Variants in MACO1 observed in about 807,000 individuals in gnomAD.
MACO1 encodes macoilin 1.
In MACO1, 14 loss-of-function variants were observed where a neutral mutation model predicts 78.7. The observed-to-expected ratio is 0.18, with a 90% confidence interval of 0.12 to 0.28. MACO1 has a LOEUF of 0.28. Among genes scored for constraint, MACO1 ranks in the 10% least tolerant of loss-of-function variants. The pLI is 1.00. For missense variants in MACO1, 501 were observed against 799.0 expected (o/e 0.63, Z 4.50); for synonymous variants, 288 against 291.6 (o/e 0.99, Z 0.12).
At chr1:25,491,953 G>C (rs536090539) in intron 10 of MACO1, among the ~76,000 whole-genome samples, 68 of 152,294 alleles carry the variant, frequency 4.5e-4, no homozygotes, top group African/African-American at 1.4e-3. Flanking sequence ...GAATTGGAGA[G>C]GGCCTCTCCC....
At chr1:25,452,703 T>G (rs1010295135) in intron 3 of MACO1, among the ~76,000 whole-genome samples, 16 of 151,836 alleles carry the variant, frequency 1.1e-4, no homozygotes, top group East Asian at 1.9e-4. Context: ...GAATTGTTTT[T>G]TTTTTTTTTT....
intron 6 of MACO1, among the ~76,000 whole-genome samples, chr1:25,469,830 A>G (rs2043252049): frequency 6.6e-6 from 1 of 151,644 alleles, no homozygotes; most frequent in African/African-American, 2.4e-5. Context: ...GTTTCACCGT[A>G]TTGGCCAGGC....
At chr1:25,431,297 T>C in intron 1 of MACO1, 119 bp downstream of exon 1, 2 of 557,916 alleles carry the variant, frequency 3.6e-6, no homozygotes, top group South Asian at 6.7e-5. Flanking sequence ...GGGGCTCTCC[T>C]AAGGAGCGCT....
At chr1:25,457,998 A>G (rs1335548886) in intron 5 of MACO1, among the ~76,000 whole-genome samples, 5 of 152,198 alleles carry the variant, frequency 3.3e-5, no homozygotes, top group Admixed American at 3.3e-4. Context: ...CGTTTACTCC[A>G]GGCACTTAAA....
intron 6 of MACO1, among the ~76,000 whole-genome samples, chr1:25,459,231 A>G (rs2043150470): frequency 6.6e-6 from 1 of 151,594 alleles, no homozygotes; most frequent in African/African-American, 2.4e-5. Context: ...ACACAAAAAG[A>G]AGAGTTTGTG....
At chr1:25,441,800 A>G (rs1201045396) in intron 1 of MACO1, among the ~76,000 whole-genome samples, 1 of 152,136 alleles carries the variant, frequency 6.6e-6, no homozygotes, top group Non-Finnish European at 1.5e-5. Context: ...ATTTAGTTTT[A>G]ATTGTACTTA....
At chr1:25,451,382 T>G (rs2124580135) in intron 3 of MACO1, among the ~76,000 whole-genome samples, 1 of 152,338 alleles carries the variant, frequency 6.6e-6, no homozygotes, top group East Asian at 1.9e-4. Context: ...ATATGATTAT[T>G]ATACTTGCTC....
chr1:25,441,655 A>G (rs754813460), intron 1 of MACO1, among the ~76,000 whole-genome samples: 2 of 152,224 alleles, frequency 1.3e-5, no homozygotes, highest in Non-Finnish European at 2.9e-5. Context: ...ATTGTGATTC[A>G]GTGTTCTTAT....
chr1:25,441,664 A>G (rs1008886112), intron 1 of MACO1, among the ~76,000 whole-genome samples: 1 of 152,196 alleles, frequency 6.6e-6, no homozygotes, highest in Non-Finnish European at 1.5e-5. Flanking sequence ...CAGTGTTCTT[A>G]TAGTACAGGA....
At chr1:25,453,482 T>G (rs982732027) in intron 3 of MACO1, among the ~76,000 whole-genome samples, 1 of 150,058 alleles carries the variant, frequency 6.7e-6, no homozygotes, top group African/African-American at 2.4e-5. Flanking sequence ...GCTAACACGG[T>G]GAAACCCTGT....
intron 10 of MACO1, among the ~76,000 whole-genome samples, chr1:25,495,401 A>G (rs115982409): frequency 1.3e-5 from 2 of 152,152 alleles, no homozygotes; most frequent in African/African-American, 4.8e-5. Context: ...TGGCTTATAT[A>G]TCAGATGCTT....
chr1:25,464,996 A>G (rs887437870), intron 6 of MACO1, among the ~76,000 whole-genome samples: 10 of 144,544 alleles, frequency 6.9e-5, no homozygotes, highest in African/African-American at 2.1e-4. Flanking sequence ...TTTTTAATAT[A>G]GAGACAGGAA....
At chr1:25,472,371 C>G (rs1378954022) in intron 6 of MACO1, among the ~76,000 whole-genome samples, 2 of 151,988 alleles carry the variant, frequency 1.3e-5, no homozygotes, top group Non-Finnish European at 2.9e-5. Flanking sequence ...CCTAGCCCCC[C>G]ACCCCTCAAC....
At chr1:25,463,359 G>C (rs2043188136) in intron 6 of MACO1, among the ~76,000 whole-genome samples, 1 of 152,210 alleles carries the variant, frequency 6.6e-6, no homozygotes, top group African/African-American at 2.4e-5. Flanking sequence ...GGAATAAATA[G>C]GTGTTGCCTA....
chr1:25,487,836 T>C (rs1438964055), intron 8 of MACO1, among the ~76,000 whole-genome samples: 1 of 152,170 alleles, frequency 6.6e-6, no homozygotes, highest in Non-Finnish European at 1.5e-5. Context: ...GGTGGGAAGT[T>C]TGCTGGATTG....
In MACO1 at chr1:25,458,545, A is replaced by G. The variant is rs1394565455; in HGVS notation, c.807A>G (p.Gly269=). ...KDKDAKKHNL[G]INNNNILQPV... ...AGGATGCCAAAAAACACAACCTTGG[A>G]ATAAATAACAACAATATTCTACAAC... Residue 269 remains glycine, a synonymous_variant, in exon 6 of 11, where the codon GGA becomes GGG. Transcript: ENST00000374343. 6.2e-7 allele frequency: 1 copy of G among 1,614,026 alleles called. No homozygotes were observed. Among genetic ancestry groups the G allele is most frequent in the African/African-American group, 1.3e-5 (1 of 74,920 alleles).
intron 1 of MACO1, among the ~76,000 whole-genome samples, chr1:25,443,581 A>G (rs2042990230): frequency 6.6e-6 from 1 of 152,276 alleles, no homozygotes; most frequent in Admixed American, 6.5e-5. Context: ...CCTTAAAGTT[A>G]TGCAATTGAA....
intron 1 of MACO1, among the ~76,000 whole-genome samples, chr1:25,437,357 G>A (rs940315913): frequency 5.8e-5 from 8 of 138,840 alleles, no homozygotes; most frequent in African/African-American, 1.7e-4. Flanking sequence ...GAGTCTCGCC[G>A]TGTTGTATAG....
chr1:25,484,492 GT>G (rs1557674969), intron 7 of MACO1, among the ~76,000 whole-genome samples: 1 of 152,172 alleles, frequency 6.6e-6, no homozygotes, highest in Non-Finnish European at 1.5e-5. Flanking sequence ...TAATATTACT[GT>G]TTTTGTCTTC....
Sources: allele counts gnomAD v4.1 joint callset (sites outside exome capture counted in the v4.1 genomes callset), GRCh38; gene constraint gnomAD v4.1.1; transcripts MANE v1.5; gene names NCBI Gene and HGNC (gene_info 2026-07-23, HGNC 2026-07-21).